Variants in RALGAPA2 observed in about 807,000 individuals in gnomAD.
RALGAPA2 encodes Ral GTPase activating protein catalytic subunit alpha 2.
A neutral mutation model predicts 230.4 loss-of-function variants in RALGAPA2; 139 were observed. The observed-to-expected ratio is 0.60, with a 90% CI of 0.53 to 0.69. The LOEUF (loss-of-function observed/expected upper bound fraction) is 0.69. Among genes scored for constraint, RALGAPA2 ranks in the 30% least tolerant of loss-of-function variants. The probability of loss-of-function intolerance (pLI) is 0.00; values close to 1 mark genes in which losing one functional copy is unlikely to be tolerated. For missense variants in RALGAPA2, 2,163 were observed against 2,276.0 expected, an observed-to-expected ratio of 0.95 and a Z score of 1.01; for synonymous variants, 847 against 837.8, an observed-to-expected ratio of 1.01 and a Z score of -0.19.
At chr20:20,556,885 G>C (rs2064099879) in intron 23 of RALGAPA2, among the ~76,000 whole-genome samples, 1 of 152,144 alleles carries the variant, frequency 6.6e-6, no homozygotes, top group Admixed American at 6.5e-5. Context: ...ATTTTTCTGA[G>C]GTGCCCAACT....
At chr20:20,427,533 T>C (rs1158966904) in intron 37 of RALGAPA2, among the ~76,000 whole-genome samples, 1 of 152,020 alleles carries the variant, frequency 6.6e-6, no homozygotes, top group Non-Finnish European at 1.5e-5. Context: ...GGGGCTGCTG[T>C]CTTCCTGCCC....
At chr20:20,520,335 C>A (rs768184195) in intron 31 of RALGAPA2, among the ~76,000 whole-genome samples, 1 of 152,140 alleles carries the variant, frequency 6.6e-6, no homozygotes, top group Non-Finnish European at 1.5e-5. Context: ...CAAAGCTGGG[C>A]TCTTATCATT....
At chr20:20,431,151 G>A (rs2060493716) in intron 37 of RALGAPA2, among the ~76,000 whole-genome samples, 1 of 152,200 alleles carries the variant, frequency 6.6e-6, no homozygotes, top group South Asian at 2.1e-4. Flanking sequence ...AGTGATGGGG[G>A]AGGCAGGAGG....
intron 6 of RALGAPA2, among the ~76,000 whole-genome samples, chr20:20,640,472 T>G (rs2066994897): frequency 6.6e-6 from 1 of 152,232 alleles, no homozygotes; most frequent in African/African-American, 2.4e-5. Flanking sequence ...TGTCCCCTCC[T>G]ATTCCTGCTT....
chr20:20,570,269 A>G (rs1484152004), intron 23 of RALGAPA2, among the ~76,000 whole-genome samples: 1 of 152,194 alleles, frequency 6.6e-6, no homozygotes, highest in Non-Finnish European at 1.5e-5. Context: ...TGATTTTTAA[A>G]GCTCAAAGTA....
chr20:20,444,253 G>C (rs1424001573), intron 37 of RALGAPA2, among the ~76,000 whole-genome samples: 1 of 152,128 alleles, frequency 6.6e-6, no homozygotes, highest in African/African-American at 2.4e-5. Flanking sequence ...GTGTTAAAAA[G>C]GAATGCAAAT....
At chr20:20,462,634 T>C (rs963956873) in intron 37 of RALGAPA2, among the ~76,000 whole-genome samples, 1 of 152,188 alleles carries the variant, frequency 6.6e-6, no homozygotes, top group African/African-American at 2.4e-5. Flanking sequence ...CATGATGGCA[T>C]TTGGGTCGTA....
intron 33 of RALGAPA2, among the ~76,000 whole-genome samples, chr20:20,509,622 G>A (rs549758076): frequency 1.3e-5 from 2 of 152,288 alleles, no homozygotes; most frequent in African/African-American, 2.4e-5. Flanking sequence ...GCTTCAACAT[G>A]TATGTAGCTA....
At chr20:20,466,652 G>A (rs550853915) in intron 37 of RALGAPA2, among the ~76,000 whole-genome samples, 7 of 152,298 alleles carry the variant, frequency 4.6e-5, no homozygotes, top group Non-Finnish European at 5.9e-5. Context: ...AGCACAGGCC[G>A]TAGTTCCTGT....
Position 20,416,900 on chromosome 20 carries a change from C to T in RALGAPA2, c.5496-4752G>A, listed in dbSNP as rs576888671. Among the ~76,000 whole-genome samples the T allele has an allele frequency of 7.2e-5, 11 of 152,232 alleles. No individual in the cohort carries two copies. In the East Asian group the frequency reaches 2.1e-3, roughly 29 times the overall value. On this transcript the variant is annotated intron_variant, in intron 37 of 39. Transcript: ENST00000202677. Reference sequence around the variant, plus strand: ...ATGACGCTCAGACTGGCAAAGTGGCCCCGGACACAGGCAGCCTCCTGACAT... The same window carrying T: ...ATGACGCTCAGACTGGCAAAGTGGCTCCGGACACAGGCAGCCTCCTGACAT...
chr20:20,633,105 C>CTT (rs2066739309), intron 9 of RALGAPA2, among the ~76,000 whole-genome samples: 1 of 145,674 alleles, frequency 6.9e-6, no homozygotes, highest in South Asian at 2.1e-4. Context: ...TCCCTCCCTT[C>CTT]TCTTTCTTTC....
intron 4 of RALGAPA2, among the ~76,000 whole-genome samples, chr20:20,649,902 T>C (rs1348274251): frequency 6.6e-6 from 1 of 152,196 alleles, no homozygotes; most frequent in Non-Finnish European, 1.5e-5. Flanking sequence ...AGAAATGAGA[T>C]GTCAAGCAGT....
At chr20:20,577,319 T>G (rs967316171) in intron 20 of RALGAPA2, among the ~76,000 whole-genome samples, 2 of 152,132 alleles carry the variant, frequency 1.3e-5, no homozygotes, top group South Asian at 2.1e-4. Flanking sequence ...TAAGCTATGC[T>G]TATTAAATTA....
At chr20:20,522,181 G>A (rs979395052) in intron 30 of RALGAPA2, among the ~76,000 whole-genome samples, 7 of 150,266 alleles carry the variant, frequency 4.7e-5, no homozygotes, top group African/African-American at 1.7e-4. Flanking sequence ...CACCAATAAG[G>A]CAGAATACAT....
intron 36 of RALGAPA2, among the ~76,000 whole-genome samples, chr20:20,478,109 G>A (rs997654371): frequency 6.6e-6 from 1 of 151,984 alleles, no homozygotes; most frequent in Non-Finnish European, 1.5e-5. Context: ...AACAACAAAA[G>A]GATAATTGGC....
At chr20:20,649,086 C>G (rs554352198) in intron 4 of RALGAPA2, among the ~76,000 whole-genome samples, 1 of 152,300 alleles carries the variant, frequency 6.6e-6, no homozygotes, top group South Asian at 2.1e-4. Flanking sequence ...TGGAAAAACA[C>G]CAGGTGAGTT....
intron 23 of RALGAPA2, among the ~76,000 whole-genome samples, chr20:20,563,817 A>T (rs2064329007): frequency 6.6e-6 from 1 of 152,102 alleles, no homozygotes; most frequent in Non-Finnish European, 1.5e-5. Context: ...TATTTCTCAC[A>T]CACAGACAAA....
chr20:20,705,441 G>C (rs1266018242), intron 1 of RALGAPA2, among the ~76,000 whole-genome samples: 1 of 152,034 alleles, frequency 6.6e-6, no homozygotes, highest in African/African-American at 2.4e-5. Context: ...CTTCTGGGCT[G>C]ATCCTCTCAC....
chr20:20,485,410 G>A (rs923482317), intron 36 of RALGAPA2, among the ~76,000 whole-genome samples: 1 of 152,148 alleles, frequency 6.6e-6, no homozygotes, highest in East Asian at 1.9e-4. Flanking sequence ...AAATAGTTGG[G>A]TCTTGGCTTC....
Sources: gnomAD v4.1 joint callset for allele counts (sites outside exome capture counted in the v4.1 genomes callset) on GRCh38, gnomAD v4.1.1 for gene constraint, MANE v1.5 for transcripts, NCBI Gene and HGNC (gene_info 2026-07-23, HGNC 2026-07-21) for gene names.